WASF3: variants seen among roughly 807,000 people sequenced by gnomAD.
WASF3 encodes actin-binding protein WASF3.
WASF3 carries 11 observed loss-of-function variants against 46.6 expected under a neutral mutation model. The ratio of observed to expected loss-of-function variants is 0.24; its 90% CI spans 0.15 to 0.39. The LOEUF (loss-of-function observed/expected upper bound fraction) is 0.39. Among genes scored for constraint, WASF3 ranks in the 10% least tolerant of loss-of-function variants. WASF3 has a pLI of 1.00. For missense variants in WASF3, 576 were observed against 669.8 expected (o/e 0.86, Z 1.55); for synonymous variants, 242 against 259.7 (o/e 0.93, Z 0.65).
At chr13:26,548,128 A>G in the WASF3 span, among the ~76,000 whole-genome samples, 2 of 152,226 alleles carry the variant, frequency 1.3e-5, no homozygotes, top group Non-Finnish European at 2.9e-5. Flanking sequence ...CTCTGCACAG[A>G]TATATCTTTG....
chr13:26,651,104 T>C (rs968702587), intron 3 of WASF3, among the ~76,000 whole-genome samples: 2 of 152,268 alleles, frequency 1.3e-5, no homozygotes, highest in African/African-American at 2.4e-5. Context: ...GGTGGATTAC[T>C]TGAGGCCAGG....
intron 1 of WASF3, among the ~76,000 whole-genome samples, chr13:26,563,434 C>T (rs1392259347): frequency 6.6e-6 from 1 of 151,876 alleles, no homozygotes; most frequent in Non-Finnish European, 1.5e-5. Flanking sequence ...GGAGGCTGAT[C>T]ACCTCAGGTC....
chr13:26,539,971 C>T, the WASF3 span, among the ~76,000 whole-genome samples: 24 of 152,170 alleles, frequency 1.6e-4, no homozygotes, highest in Non-Finnish European at 2.2e-4. Context: ...AACCAGCAGG[C>T]GGAACAGAGT....
intron 3 of WASF3, among the ~76,000 whole-genome samples, chr13:26,659,806 C>T (rs1297973645): frequency 5.9e-5 from 9 of 152,012 alleles, no homozygotes; most frequent in Non-Finnish European, 8.8e-5. Context: ...ACTGGAGCAA[C>T]GGGAAGAATG....
intron 2 of WASF3, among the ~76,000 whole-genome samples, chr13:26,632,077 G>C (rs901343735): frequency 4.6e-5 from 7 of 152,198 alleles, no homozygotes; most frequent in African/African-American, 1.7e-4. Context: ...TTTGGGCTGA[G>C]ACGATGGGGT....
chr13:26,564,492 G>A (rs1879397823), intron 1 of WASF3, among the ~76,000 whole-genome samples: 1 of 152,170 alleles, frequency 6.6e-6, no homozygotes, highest in Admixed American at 6.5e-5. Flanking sequence ...ATTTTTAAAA[G>A]TTCCTCTAGT....
In WASF3 at chr13:26,679,979, C is replaced by T. The variant is rs188886668; in HGVS notation, c.717-1075C>T. The T allele has an allele frequency of 2.3e-4, 356 of 1,555,238 alleles. No individual in the cohort carries two copies. The highest frequency in any genetic ancestry group is 1.9e-3 in the East Asian group (82 of 43,112). ...TGGAATCCCAAAGATGGAAATGCAG[C>T]GTGCATCTTCCCTGCTCCCTCAGCA... On this transcript the variant is annotated intron_variant, in intron 7 of 9. Transcript: ENST00000335327. The surrounding 1 kb of genome is among the most constrained non-coding windows in gnomAD (Gnocchi z 4.8).
At chr13:26,549,437 T>C in the WASF3 span, among the ~76,000 whole-genome samples, 9 of 152,326 alleles carry the variant, frequency 5.9e-5, no homozygotes, top group East Asian at 1.7e-3. Flanking sequence ...TCTCTTTTTA[T>C]TAATAAAGCT....
At chr13:26,641,251 C>A in intron 2 of WASF3, 1 of 152,316 alleles carries the variant, frequency 6.6e-6, no homozygotes, top group Non-Finnish European at 1.5e-5. Context: ...GTTTTATCTC[C>A]CCTCAATTCC....
In WASF3 at chr13:26,679,951, A is replaced by G. The variant is rs545296738; in HGVS notation, c.717-1103A>G. 1.3e-6 allele frequency: 2 copies of G among 1,503,788 alleles called. No individual in the cohort carries two copies. Among genetic ancestry groups the G allele is most frequent in the East Asian group, 4.9e-5 (2 of 40,776 alleles). 93.2% of individuals were successfully genotyped at this position (1,503,788 alleles called of 1,614,324 possible). A position where few individuals can be genotyped will look rare whatever the true frequency, so the allele number is the denominator to read the frequency against. ...GGTGCCCCAGTTAAGAAAAGCTACC[A>G]ACTGGAATCCCAAAGATGGAAATGC... On this transcript the variant is annotated intron_variant, in intron 7 of 9. Coordinates refer to ENST00000335327, the MANE Select transcript of WASF3 (RefSeq NM_006646.6). The surrounding 1 kb of genome is among the most constrained non-coding windows in gnomAD (Gnocchi z 4.8).
At chr13:26,561,479 A>G (rs1206080632) in intron 1 of WASF3, among the ~76,000 whole-genome samples, 1 of 151,994 alleles carries the variant, frequency 6.6e-6, no homozygotes, top group Non-Finnish European at 1.5e-5. Context: ...TGGCTGGGTT[A>G]AGTTTCAGGT....
intron 3 of WASF3, among the ~76,000 whole-genome samples, chr13:26,656,933 A>G (rs1338787133): frequency 6.6e-6 from 1 of 152,212 alleles, no homozygotes; most frequent in Non-Finnish European, 1.5e-5. Context: ...TAAATAGACA[A>G]GTATACACCC....
chr13:26,588,720 GA>G (rs925207528), intron 1 of WASF3, among the ~76,000 whole-genome samples: 4 of 152,142 alleles, frequency 2.6e-5, no homozygotes, highest in Non-Finnish European at 5.9e-5. Flanking sequence ...CCAACACCGG[GA>G]TTTTTCATAT....
rs537902247 is a variant in WASF3, at chr13:26,604,189, A to G, written c.-108-8772A>G. Among the ~76,000 whole-genome samples, 5 of 152,332 alleles carry G rather than the reference A, an allele frequency of 3.3e-5. No individual in the cohort carries two copies. In the South Asian group the frequency reaches 1.0e-3, roughly 32 times the overall value. ...ATTAGACTGTTTCCTAATTTGCAAGATAGTTAAACTAATTCCTACCTTGCA... is the reference window on the plus strand; with the variant it reads ...ATTAGACTGTTTCCTAATTTGCAAGGTAGTTAAACTAATTCCTACCTTGCA... On this transcript the variant is annotated intron_variant, in intron 1 of 9. Transcript: ENST00000335327.
intron 1 of WASF3, among the ~76,000 whole-genome samples, chr13:26,582,969 G>C (rs964264839): frequency 1.1e-4 from 16 of 152,174 alleles, no homozygotes; most frequent in African/African-American, 3.9e-4. Context: ...AGAATAATTA[G>C]TCAATAAGAA....
chr13:26,638,165 A>G (rs1881887591), intron 2 of WASF3: 1 of 152,164 alleles, frequency 6.6e-6, no homozygotes, highest in South Asian at 2.1e-4. Flanking sequence ...CGGTTATTTC[A>G]TCCTGATTTC....
chr13:26,578,749 C>A (rs1444512208), intron 1 of WASF3, among the ~76,000 whole-genome samples: 1 of 152,048 alleles, frequency 6.6e-6, no homozygotes, highest in African/African-American at 2.4e-5. Context: ...GAGTAATAAA[C>A]TTCTTTCGTT....
chr13:26,544,545 AC>A, the WASF3 span, among the ~76,000 whole-genome samples: 2 of 152,264 alleles, frequency 1.3e-5, no homozygotes, highest in East Asian at 3.9e-4. Flanking sequence ...TCTCATCAAA[AC>A]CCAAGAGTGA....
intron 2 of WASF3, among the ~76,000 whole-genome samples, chr13:26,637,241 A>G (rs1426010390): frequency 6.6e-6 from 1 of 152,212 alleles, no homozygotes; most frequent in Non-Finnish European, 1.5e-5. Context: ...CCTCTGCAGC[A>G]TATTCCAGCT....
Sources: gnomAD v4.1 joint callset for allele counts (sites outside exome capture counted in the v4.1 genomes callset) on GRCh38, gnomAD v4.1.1 for gene constraint, Gnocchi (gnomAD v3.1) non-coding constraint, MANE v1.5 for transcripts, NCBI Gene and HGNC (gene_info 2026-07-23, HGNC 2026-07-21) for gene names.